Variants in PPP6R1 observed in about 807,000 individuals in gnomAD.
PPP6R1 encodes serine/threonine-protein phosphatase 6 regulatory subunit 1.
In PPP6R1, 39 loss-of-function variants were observed where a neutral mutation model predicts 104.6. The observed-to-expected ratio is 0.37, with a 90% CI of 0.29 to 0.49. The LOEUF (loss-of-function observed/expected upper bound fraction) is 0.49. Among genes scored for constraint, PPP6R1 ranks in the 20% least tolerant of loss-of-function variants. The probability of loss-of-function intolerance (pLI) is 0.98; values close to 1 mark genes in which losing one functional copy is unlikely to be tolerated. For synonymous variants in PPP6R1, 549 were observed against 479.0 expected (o/e 1.15, Z -1.91); for missense variants, 1,181 against 1,155.8 (o/e 1.02, Z -0.32).
rs375735698 is a variant in PPP6R1 at position 55,242,201 on chromosome 19, C to G, written c.810G>C (p.Gln270His). 1 of 1,613,828 alleles carries G rather than the reference C, an allele frequency of 6.2e-7. No homozygotes were observed. Among genetic ancestry groups the G allele is most frequent in the Non-Finnish European group, 8.5e-7 (1 of 1,179,868 alleles). Reference sequence around the variant, plus strand: ...TGGGCTCCAGCAGGGTCAGCAGCACCTGGATCCCACTGACGATGACAGACT... The same window carrying G: ...TGGGCTCCAGCAGGGTCAGCAGCACGTGGATCCCACTGACGATGACAGACT... Reference protein sequence around the residue: ...QSQSVIVSGIQVLLTLLEPRR... With the variant: ...QSQSVIVSGIHVLLTLLEPRR... The change falls in exon 7 of 24, where the codon CAG (glutamine) becomes CAC (histidine). Residue 270 changes from glutamine (Q) to histidine (H), a missense_variant. Around this residue, in one of 2 missense-constraint regions of PPP6R1, gnomAD observed 1,042 missense variants for 955.6 expected, o/e 1.09. Coordinates refer to ENST00000412770, the MANE Select transcript of PPP6R1 (RefSeq NM_014931.4).
Position 55,230,257 on chromosome 19 carries a change from T to A in PPP6R1, c.*271A>T. 1 of 545,852 alleles carries A rather than the reference T, an allele frequency of 1.8e-6. No homozygotes were observed. The allele number at this position is 545,852 out of a possible 1,614,324, so 33.8% of individuals were successfully genotyped here. A position where few individuals can be genotyped will look rare whatever the true frequency, so the allele number is the denominator to read the frequency against. The stretch of plus-strand genomic sequence containing the variant: ...CTCTCCTCCCTCTCTCTATATAATA[T>A]ATAATATATGTTTCTCTCTCTCCAT... On this transcript the variant is annotated 3_prime_UTR_variant, in exon 24 of 24. Transcript: ENST00000412770.
At position 55,241,585 on chromosome 19, in the gene PPP6R1, C is replaced by T. The variant is rs1182684737; in HGVS notation, c.900G>A (p.Glu300=). 1 of 1,585,456 alleles carries T rather than the reference C, an allele frequency of 6.3e-7. No individual in the cohort carries two copies. Among genetic ancestry groups the T allele is most frequent in the East Asian group, 2.3e-5 (1 of 42,992 alleles). Residue 300 remains glutamate (E), a synonymous_variant, in exon 8 of 24, where the codon GAG becomes GAA. Coordinates refer to ENST00000412770, the MANE Select transcript of PPP6R1 (RefSeq NM_014931.4). The surrounding 1 kb of genome is among the most constrained non-coding windows in gnomAD (Gnocchi z 5.4). ...SFFSSVDGQL[E]LLAQGALEST... is the part of the protein sequence containing the mutation. ...TTTCCAGGGCCCCCTGGGCCAGGAG[C>T]TCCAGCTGCCCATCCACACTGCTGA... is the stretch of plus-strand genomic sequence containing the variant.
intron 10 of PPP6R1, among the ~76,000 whole-genome samples, chr19:55,240,635 TCA>T (rs1037693639): frequency 6.6e-5 from 9 of 136,492 alleles, no homozygotes; most frequent in South Asian, 2.4e-4. Context: ...ATACATGCTC[TCA>T]CACACGCTTG....
intron 15 of PPP6R1, among the ~76,000 whole-genome samples, chr19:55,237,348 A>G (rs2087409162): frequency 6.6e-6 from 1 of 152,242 alleles, no homozygotes; most frequent in Non-Finnish European, 1.5e-5. Flanking sequence ...GGAGGCTGAC[A>G]CTCACACCAG....
At chr19:55,234,625 G>A (rs1316126101) in intron 17 of PPP6R1, among the ~76,000 whole-genome samples, 1 of 152,236 alleles carries the variant, frequency 6.6e-6, no homozygotes, top group Non-Finnish European at 1.5e-5. Flanking sequence ...AACAACACGT[G>A]CAAGGGTATT....
rs563995302 is a variant in PPP6R1 at position 55,232,463 on chromosome 19, G to A, written c.1989-252C>T. The A allele has an allele frequency of 3.6e-4, 163 of 455,696 alleles. 1 individual carries two copies. Among genetic ancestry groups the A allele is most frequent in the South Asian group, 2.9e-3 (72 of 25,188 alleles). The allele number at this position is 455,696 out of a possible 1,614,324, so 28.2% of individuals were successfully genotyped here. ...GGAGACCGTCCGTCGCCAGTCATCCGTGGAGGGCAGGCCCTGGGGAAGTGG... is the reference window on the plus strand; with the variant it reads ...GGAGACCGTCCGTCGCCAGTCATCCATGGAGGGCAGGCCCTGGGGAAGTGG... On this transcript the variant is annotated intron_variant, in intron 17 of 23. Transcript: ENST00000412770.
Position 55,242,283 on chromosome 19 carries a change from C to G in PPP6R1, c.732-4G>C. On this transcript the variant is annotated splice_region_variant and splice_polypyrimidine_tract_variant and intron_variant, in intron 6 of 23. Transcript: ENST00000412770. Reference sequence around the variant, plus strand: ...GAGCTGCTCAATCGTCTCCTGCCTGCGGGGGCAGGGGCAGGGGTCAGGGTG... The same window carrying G: ...GAGCTGCTCAATCGTCTCCTGCCTGGGGGGGCAGGGGCAGGGGTCAGGGTG... The G allele has an allele frequency of 6.2e-7, 1 of 1,613,690 alleles. No individual in the cohort carries two copies.
chr19:55,236,905 G>C lies in PPP6R1; in HGVS notation c.1809+8C>G. ...CCCGCCACAACCAGGGGACAGGGCA[G>C]TACTCACGTTCTCATCGTCAGCATT... On this transcript the variant is annotated splice_region_variant and intron_variant, in intron 16 of 23. Transcript: ENST00000412770. 6.2e-7 allele frequency: 1 copy of C among 1,612,700 alleles called. No individual in the cohort carries two copies. Among genetic ancestry groups the C allele is most frequent in the Non-Finnish European group, 8.5e-7 (1 of 1,178,694 alleles).
intron 17 of PPP6R1, among the ~76,000 whole-genome samples, chr19:55,234,818 G>A (rs980691972): frequency 6.6e-6 from 1 of 152,164 alleles, no homozygotes; most frequent in East Asian, 1.9e-4. Flanking sequence ...GCAGAGTGTT[G>A]AGCAACAGAG....
chr19:55,230,559 G>C (rs765720279), intron 23 of PPP6R1, 28 bp from the exon 24 acceptor site: 18 of 1,613,586 alleles, frequency 1.1e-5, no homozygotes, highest in Non-Finnish European at 1.2e-5. Context: ...TGTCGTGTGA[G>C]GGTCTAGCAG....
rs1054470888 is a variant in PPP6R1 at position 55,245,708 on chromosome 19, T to C, written c.228-30A>G. ...GAGGCAAGCACAGGCGGGTGGGGGC[T>C]CGGGTCGGAGGCCGGGGGCAGGGGG... On this transcript the variant is annotated intron_variant, in intron 2 of 23. Transcript: ENST00000412770. This position sits in a 1 kb window ranked among gnomAD's most constrained non-coding sequence, Gnocchi z 6.4. The C allele has an allele frequency of 4.0e-6, 6 of 1,495,916 alleles. No homozygotes were observed. Among genetic ancestry groups the C allele is most frequent in the Non-Finnish European group, 5.5e-6 (6 of 1,098,124 alleles). The allele number at this position is 1,495,916 out of a possible 1,614,324, so 92.7% of individuals were successfully genotyped here.
chr19:55,240,924 G>T, intron 10 of PPP6R1, 21 bp downstream of exon 10: 1 of 1,601,334 alleles, frequency 6.2e-7, no homozygotes, highest in South Asian at 1.1e-5. Context: ...GAAGGAGGGG[G>T]ACCAGGGAGT....
At chr19:55,235,515 ATTCC>A (rs986178536) in intron 17 of PPP6R1, among the ~76,000 whole-genome samples, 4 of 145,524 alleles carry the variant, frequency 2.7e-5, no homozygotes, top group East Asian at 2.0e-4. Context: ...TTTGAATTAG[ATTCC>A]TTTTTTTTTT....
intron 17 of PPP6R1, 30 bp downstream of exon 17, chr19:55,236,613 T>C: frequency 2.0e-6 from 3 of 1,496,330 alleles, no homozygotes; most frequent in Non-Finnish European, 2.7e-6. Context: ...TGGTGGAAGC[T>C]TGGAGAAGGG....
intron 17 of PPP6R1, among the ~76,000 whole-genome samples, chr19:55,235,213 A>G (rs890158221): frequency 3.2e-4 from 48 of 151,842 alleles, no homozygotes; most frequent in African/African-American, 1.1e-3. Flanking sequence ...ATTAAGAGAA[A>G]AAAAAAAAAC....
At chr19:55,253,314 A>C (rs975852710) in intron 1 of PPP6R1, among the ~76,000 whole-genome samples, 5 of 152,212 alleles carry the variant, frequency 3.3e-5, no homozygotes, top group Middle Eastern at 3.2e-3. Flanking sequence ...GTCTCTAAAC[A>C]ACAGGCAGAA....
chr19:55,247,253 C>T (rs1027441782), intron 1 of PPP6R1, 144 bp from the exon 2 acceptor site: 2 of 861,268 alleles, frequency 2.3e-6, no homozygotes, highest in Non-Finnish European at 3.6e-6. Context: ...TGAGCCCGGC[C>T]CCGCCCCGGG....
In PPP6R1 at chr19:55,241,196, C is replaced by G; in HGVS notation, c.1161+43G>C. The G allele has an allele frequency of 6.7e-7, 1 of 1,500,848 alleles. No homozygotes were observed. Among genetic ancestry groups the G allele is most frequent in the Non-Finnish European group, 8.9e-7 (1 of 1,125,240 alleles). The allele number at this position is 1,500,848 out of a possible 1,614,324, so 93.0% of individuals were successfully genotyped here. On this transcript the variant is annotated intron_variant, in intron 9 of 23. Transcript: ENST00000412770. The surrounding 1 kb of genome is among the most constrained non-coding windows in gnomAD (Gnocchi z 5.4). Reference sequence around the variant, plus strand: ...CCGAACCCTCAGCCCAGTCCAGTCCCCGCCCCAGCCCCTGAACCCCCAGCC... The same window carrying G: ...CCGAACCCTCAGCCCAGTCCAGTCCGCGCCCCAGCCCCTGAACCCCCAGCC...
chr19:55,239,155 T>G lies in PPP6R1; in HGVS notation c.1751+250A>C. 3 of 515,610 alleles carry G rather than the reference T, an allele frequency of 5.8e-6. 1 individual carries two copies. Among genetic ancestry groups the G allele is most frequent in the Non-Finnish European group, 3.5e-6 (1 of 282,720 alleles). The allele number at this position is 515,610 out of a possible 1,614,324, so 31.9% of individuals were successfully genotyped here. A position where few individuals can be genotyped will look rare whatever the true frequency, so the allele number is the denominator to read the frequency against. ...TCTGTGTCCCCAGCACAGAAGATGT[T>G]TGTGCCCCACCCTCATGGCCTGCCT... On this transcript the variant is annotated intron_variant, in intron 15 of 23. Coordinates refer to ENST00000412770, the MANE Select transcript of PPP6R1 (RefSeq NM_014931.4).
Sources: allele counts gnomAD v4.1 joint callset (sites outside exome capture counted in the v4.1 genomes callset), GRCh38; gene constraint gnomAD v4.1.1; regional missense constraint gnomAD v4.1.1; non-coding constraint Gnocchi (gnomAD v3.1); transcripts MANE v1.5; gene names NCBI Gene and HGNC (gene_info 2026-07-23, HGNC 2026-07-21).